Variants in XYLT1 observed in about 807,000 individuals in gnomAD.
XYLT1 encodes the protein beta-D-xylosyltransferase 1.
A neutral mutation model predicts 91.3 loss-of-function variants in XYLT1; 36 were observed. That is an observed-to-expected ratio of 0.39 (90% CI 0.30 to 0.52). The LOEUF is 0.52. XYLT1 is among the 20% of genes least tolerant of loss of function. XYLT1 has a pLI of 0.68. For missense variants in XYLT1, 1,242 were observed against 1,284.5 expected (o/e 0.97, Z 0.51); for synonymous variants, 588 against 532.0 (o/e 1.11, Z -1.45).
At chr16:17,222,581 C>T (rs147645445) in intron 3 of XYLT1, among the ~76,000 whole-genome samples, 1,613 of 152,086 alleles carry the variant, frequency 0.011, 10 homozygotes, top group Non-Finnish European at 0.016. Context: ...CTTGACGTCA[C>T]GAGTTCAAGA....
intron 3 of XYLT1, among the ~76,000 whole-genome samples, chr16:17,256,872 C>T (rs1173446547): frequency 6.6e-6 from 1 of 152,212 alleles, no homozygotes; most frequent in Non-Finnish European, 1.5e-5. Context: ...CCCAATTCTG[C>T]AGCTGGCTTG....
At position 17,338,630 on chromosome 16, in the gene XYLT1, T is replaced by A. The variant is rs181063864; in HGVS notation, c.402+19382A>T. On this transcript the variant is annotated intron_variant, in intron 2 of 11. Coordinates refer to ENST00000261381, the MANE Select transcript of XYLT1 (RefSeq NM_022166.4). ...ATTCGTGGCCTGCTCACATTCACCCTTTTTTTTGGGACGGAGTCTCGCTCT... is the reference window on the plus strand; with the variant it reads ...ATTCGTGGCCTGCTCACATTCACCCATTTTTTTGGGACGGAGTCTCGCTCT... The A allele has an allele frequency of 8.5e-5, 32 of 374,594 alleles. No individual in the cohort carries two copies. In the East Asian group the frequency reaches 2.4e-3, roughly 28 times the overall value. 23.2% of individuals were successfully genotyped at this position (374,594 alleles called of 1,614,324 possible).
chr16:17,346,922 A>G (rs2035151545), intron 2 of XYLT1, among the ~76,000 whole-genome samples: 1 of 152,196 alleles, frequency 6.6e-6, no homozygotes, highest in African/African-American at 2.4e-5. Context: ...AAAATGAGCT[A>G]CAGTTCCCAG....
Position 17,470,843 on chromosome 16 carries a change from C to G in XYLT1, c.-47G>C, listed in dbSNP as rs960726304. ...CGAGGCGCGGGGACCCCGGCACGCT[C>G]CGGGCCGCCCCCGCGCTCCCCGCAG... On this transcript the variant is annotated 5_prime_UTR_variant, in exon 1 of 12. Coordinates refer to ENST00000261381, the MANE Select transcript of XYLT1 (RefSeq NM_022166.4). 3.6e-6 allele frequency: 3 copies of G among 842,322 alleles called. No individual in the cohort carries two copies. Among genetic ancestry groups the G allele is most frequent in the South Asian group, 5.8e-5 (1 of 17,352 alleles). The allele number at this position is 842,322 out of a possible 1,614,324, so 52.2% of individuals were successfully genotyped here.
rs796770567 is a variant in XYLT1, at chr16:17,363,115, G to A, written c.364-5065C>T. Among the ~76,000 whole-genome samples the A allele has an allele frequency of 5.9e-5, 9 of 152,154 alleles. No homozygotes were observed. The South Asian group carries it at 1.2e-3, about 21-fold the overall frequency. ...TCTTCTTGGGATTGCAGATCACAGC[G>A]AATGAAAACTCACTCATGACTCGAG... On this transcript the variant is annotated intron_variant, in intron 1 of 11. Coordinates refer to ENST00000261381, the MANE Select transcript of XYLT1 (RefSeq NM_022166.4).
At chr16:17,129,489 C>T (rs915491332) in intron 9 of XYLT1, among the ~76,000 whole-genome samples, 3 of 152,152 alleles carry the variant, frequency 2.0e-5, no homozygotes, top group Non-Finnish European at 2.9e-5. Flanking sequence ...CTCAAACTCA[C>T]TCCTGACCTC....
intron 3 of XYLT1, among the ~76,000 whole-genome samples, chr16:17,230,246 C>T (rs1002548941): frequency 6.6e-5 from 10 of 152,164 alleles, no homozygotes; most frequent in African/African-American, 2.4e-4. Flanking sequence ...CCAAACCCAC[C>T]AGGGCTGCGA....
intron 3 of XYLT1, among the ~76,000 whole-genome samples, chr16:17,232,259 T>A (rs1022653673): frequency 7.0e-6 from 1 of 143,160 alleles, no homozygotes; most frequent in East Asian, 2.0e-4. Flanking sequence ...TATATATAAT[T>A]ATTATTATAA....
chr16:17,436,847 C>G (rs563503344), intron 1 of XYLT1, among the ~76,000 whole-genome samples: 30 of 152,330 alleles, frequency 2.0e-4, no homozygotes, highest in African/African-American at 7.2e-4. Context: ...TCTTCTGGAA[C>G]TGTTTGGCTT....
chr16:17,357,508 C>T (rs944174803), intron 2 of XYLT1, among the ~76,000 whole-genome samples: 5 of 152,180 alleles, frequency 3.3e-5, no homozygotes, highest in African/African-American at 1.2e-4. Context: ...TGGTCATCCT[C>T]CTCCCCACAC....
At chr16:17,199,496 T>C (rs2032492558) in intron 4 of XYLT1, among the ~76,000 whole-genome samples, 1 of 152,174 alleles carries the variant, frequency 6.6e-6, no homozygotes, top group Non-Finnish European at 1.5e-5. Context: ...ACTCCTGGGA[T>C]AGTGATATGG....
At chr16:17,351,519 A>T (rs1044461450) in intron 2 of XYLT1, among the ~76,000 whole-genome samples, 3 of 152,190 alleles carry the variant, frequency 2.0e-5, no homozygotes, top group Admixed American at 2.0e-4. Context: ...TCTCAAAAAA[A>T]ATAAATAAGT....
At chr16:17,238,363 A>C (rs1453063706) in intron 3 of XYLT1, among the ~76,000 whole-genome samples, 1 of 152,190 alleles carries the variant, frequency 6.6e-6, no homozygotes, top group Admixed American at 6.5e-5. Flanking sequence ...TGCTATTGAA[A>C]GTGATGGCCA....
rs1287706921 is a variant in XYLT1, at chr16:17,234,085, T to C, written c.913+24903A>G. 6.6e-5 allele frequency among the ~76,000 whole-genome samples: 10 copies of C among 152,200 alleles called. 1 individual carries two copies. The highest frequency in any genetic ancestry group is 6.5e-4 in the Admixed American group (10 of 15,278). ...GAAGACCGGACCTAAGACACACTTATGGAGTGATTCTCATAACTGGTACCT... is the reference window on the plus strand; with the variant it reads ...GAAGACCGGACCTAAGACACACTTACGGAGTGATTCTCATAACTGGTACCT... On this transcript the variant is annotated intron_variant, in intron 3 of 11. Coordinates refer to ENST00000261381, the MANE Select transcript of XYLT1 (RefSeq NM_022166.4).
At chr16:17,389,942 G>A (rs560134334) in intron 1 of XYLT1, among the ~76,000 whole-genome samples, 10 of 152,286 alleles carry the variant, frequency 6.6e-5, no homozygotes, top group African/African-American at 1.7e-4. Flanking sequence ...GAAGGGAATC[G>A]TGTCAGGTGT....
intron 1 of XYLT1, among the ~76,000 whole-genome samples, chr16:17,390,961 C>G (rs1431939281): frequency 1.3e-5 from 2 of 152,178 alleles, no homozygotes; most frequent in Non-Finnish European, 2.9e-5. Flanking sequence ...TCGCTTGAAC[C>G]TGGGAGATAG....
At chr16:17,456,614 T>C (rs1327193707) in intron 1 of XYLT1, among the ~76,000 whole-genome samples, 2 of 152,330 alleles carry the variant, frequency 1.3e-5, no homozygotes, top group African/African-American at 2.4e-5. Flanking sequence ...GCGCTGGGAT[T>C]ACAGGCATGT....
chr16:17,198,168 C>T (rs2032467362), intron 5 of XYLT1, 44 bp downstream of exon 5: 5 of 1,605,526 alleles, frequency 3.1e-6, no homozygotes, highest in Non-Finnish European at 2.6e-6. Context: ...CCAGCCAGAG[C>T]AGGACGTCAG....
chr16:17,290,020 AT>A (rs992376017), intron 2 of XYLT1, among the ~76,000 whole-genome samples: 4 of 152,230 alleles, frequency 2.6e-5, no homozygotes, highest in Non-Finnish European at 5.9e-5. Flanking sequence ...AATAGATTTC[AT>A]TTTTTCCATC....
Sources: allele counts gnomAD v4.1 joint callset (sites outside exome capture counted in the v4.1 genomes callset), GRCh38; gene constraint gnomAD v4.1.1; transcripts MANE v1.5; gene names NCBI Gene and HGNC (gene_info 2026-07-23, HGNC 2026-07-21).